The following PLEKHG4B variants were observed in gnomAD, a reference collection of about 807,000 sequenced individuals.
PLEKHG4B encodes the protein pleckstrin homology and RhoGEF domain containing G4B.
Under a neutral mutation model 121.3 loss-of-function variants are expected in PLEKHG4B, and 111 were observed. The ratio of observed to expected loss-of-function variants is 0.92; its 90% confidence interval spans 0.78 to 1.07. PLEKHG4B has a LOEUF of 1.07. PLEKHG4B is among the 50% of genes least tolerant of loss of function. The pLI, the probability that PLEKHG4B is intolerant of heterozygous loss-of-function variation, is 0.00. For missense variants in PLEKHG4B, 1,831 were observed against 1,757.8 expected (o/e 1.04, Z -0.74); for synonymous variants, 738 against 725.0 (o/e 1.02, Z -0.29).
chr5:106,328 G>T (rs1452022649), intron 1 of PLEKHG4B, among the ~76,000 whole-genome samples: 1 of 152,174 alleles, frequency 6.6e-6, no homozygotes, highest in South Asian at 2.1e-4. Context: ...GTCTGTCTCC[G>T]GGGGCCTGAC....
intron 12 of PLEKHG4B, among the ~76,000 whole-genome samples, chr5:162,316 T>C (rs1441820159): frequency 6.6e-6 from 1 of 151,758 alleles, no homozygotes; most frequent in Non-Finnish European, 1.5e-5. Context: ...CGCCGGGGAC[T>C]GCCTGCCATT....
intron 17 of PLEKHG4B, 121 bp from the exon 18 acceptor site, chr5:173,797 T>C: frequency 1.7e-6 from 2 of 1,170,892 alleles, no homozygotes; most frequent in South Asian, 1.5e-5. Flanking sequence ...CCCTGACCCA[T>C]CCCACACATT....
At chr5:94,635 G>A (rs1232959069) in intron 1 of PLEKHG4B, among the ~76,000 whole-genome samples, 1 of 151,972 alleles carries the variant, frequency 6.6e-6, no homozygotes, top group Non-Finnish European at 1.5e-5. Flanking sequence ...CATCCTGAAG[G>A]TGTTGGTCCT....
At chr5:142,999 C>T (rs199792120) in intron 3 of PLEKHG4B, 48 bp from the exon 4 acceptor site, 287 of 1,552,374 alleles carry the variant, frequency 1.8e-4, no homozygotes, top group East Asian at 1.6e-3. Context: ...CTGCTTTCAA[C>T]GCGCAGGAAA....
intron 8 of PLEKHG4B, 51 bp downstream of exon 8, chr5:155,042 T>C (rs1450861225): frequency 6.9e-7 from 1 of 1,443,366 alleles, no homozygotes; most frequent in Admixed American, 1.7e-5. Flanking sequence ...GGGGACTTTC[T>C]GTTATGTGGT....
intron 14 of PLEKHG4B, among the ~76,000 whole-genome samples, chr5:169,940 G>A (rs1457400740): frequency 6.6e-6 from 1 of 152,122 alleles, no homozygotes; most frequent in Admixed American, 6.5e-5. Flanking sequence ...ACCTTCCGGG[G>A]AGAGGCCAGG....
Position 185,206 on chromosome 5 carries a change from AAGC to A in PLEKHG4B, c.*2887_*2889del, listed in dbSNP as rs1178002381. 7 of 152,178 alleles carry A rather than the reference AAGC, an allele frequency of 4.6e-5. No homozygotes were observed. Among genetic ancestry groups the A allele is most frequent in the Non-Finnish European group, 1.0e-4 (7 of 68,030 alleles). 9.4% of individuals were successfully genotyped at this position (152,178 alleles called of 1,614,324 possible). ...ACAGAAGACAAGTGGAGAGAGACTG[AAGC>A]AGCCACTGGCCATCACAGCAAACAC... On this transcript the variant is annotated 3_prime_UTR_variant, in exon 20 of 20. Transcript: ENST00000637938.
At position 163,041 on chromosome 5, in the gene PLEKHG4B, C is replaced by T. The variant is rs1736085697; in HGVS notation, c.2969C>T (p.Pro990Leu). The part of the protein sequence containing the change: ...AQEAMRRHQK[P>L]PSFPSTDSGG... ...GAGGCCATGAGGAGGCACCAGAAGC[C>T]ACCCTCATTCCCCAGCACGGACAGT... The change falls in exon 13 of 20, where the codon CCA (proline) becomes CTA (leucine). Residue 990 changes from proline (P) to leucine (L), a missense_variant. Transcript: ENST00000637938. 15 of 1,560,546 alleles carry T rather than the reference C, an allele frequency of 9.6e-6. No homozygotes were observed. The highest frequency in any genetic ancestry group is 1.3e-5 in the Non-Finnish European group (15 of 1,152,326).
At chr5:149,333 A>G (rs1560930263) in intron 6 of PLEKHG4B, among the ~76,000 whole-genome samples, 1 of 152,132 alleles carries the variant, frequency 6.6e-6, no homozygotes, top group Non-Finnish European at 1.5e-5. Context: ...GCTTGAGCCC[A>G]GGAGTTCAGG....
intron 1 of PLEKHG4B, among the ~76,000 whole-genome samples, chr5:101,059 G>A (rs1733791748): frequency 1.3e-5 from 1 of 76,108 alleles, no homozygotes; most frequent in Non-Finnish European, 2.3e-5. Flanking sequence ...CTGTTGTGAG[G>A]TTAATCCATA....
Position 182,727 on chromosome 5 carries a change from C to G in PLEKHG4B, c.*404C>G. ...GACCTCCCTCCGCCTTGAGAGTTTG[C>G]AGGCCTCAGTGCAGGGAGGGGCCCA... On this transcript the variant is annotated 3_prime_UTR_variant, in exon 20 of 20. Coordinates refer to ENST00000637938, the MANE Select transcript of PLEKHG4B (RefSeq NM_052909.5). The G allele has an allele frequency of 4.3e-6, 1 of 231,678 alleles. No homozygotes were observed. Among genetic ancestry groups the G allele is most frequent in the East Asian group, 9.8e-5 (1 of 10,256 alleles). 14.4% of individuals were successfully genotyped at this position (231,678 alleles called of 1,614,324 possible). A position where few individuals can be genotyped will look rare whatever the true frequency, so the allele number is the denominator to read the frequency against.
At chr5:109,365 C>G (rs932434468) in intron 1 of PLEKHG4B, among the ~76,000 whole-genome samples, 2 of 146,592 alleles carry the variant, frequency 1.4e-5, no homozygotes, top group Non-Finnish European at 3.0e-5. Flanking sequence ...CCACTGCACT[C>G]CAGCCTGGGT....
At chr5:122,637 T>A in intron 2 of PLEKHG4B, among the ~76,000 whole-genome samples, 1 of 152,008 alleles carries the variant, frequency 6.6e-6, no homozygotes, top group Non-Finnish European at 1.5e-5. Flanking sequence ...GCCAGGCTGG[T>A]CAGATCTCCT....
At chr5:118,855 CTT>C (rs35448860) in intron 2 of PLEKHG4B, among the ~76,000 whole-genome samples, 336 of 139,518 alleles carry the variant, frequency 2.4e-3, no homozygotes, top group Non-Finnish European at 2.5e-3. Flanking sequence ...CCTCCTCCTT[CTT>C]TTTTTTTTTT....
intron 19 of PLEKHG4B, 147 bp from the exon 20 acceptor site, chr5:181,857 G>A: frequency 1.6e-6 from 2 of 1,265,506 alleles, no homozygotes; most frequent in East Asian, 4.9e-5. Flanking sequence ...GAGGGCACTG[G>A]GCCAGTGGCC....
intron 13 of PLEKHG4B, among the ~76,000 whole-genome samples, chr5:163,872 C>G (rs185083466): frequency 6.6e-6 from 1 of 152,322 alleles, no homozygotes; most frequent in Non-Finnish European, 1.5e-5. Context: ...AAATCAACCC[C>G]GACACCAAGA....
In PLEKHG4B at chr5:140,355, C is replaced by G. The variant is rs748941828; in HGVS notation, c.1116C>G (p.Ala372=). 77 of 1,550,970 alleles carry G rather than the reference C, an allele frequency of 5.0e-5. No individual in the cohort carries two copies. Among genetic ancestry groups the G allele is most frequent in the Admixed American group, 4.1e-4 (21 of 50,936 alleles). The change falls in exon 3 of 20, where the codon GCC becomes GCG. Residue 372 remains alanine (A), a synonymous_variant. Coordinates refer to ENST00000637938, the MANE Select transcript of PLEKHG4B (RefSeq NM_052909.5). ...TGCCCCTGGGCAGCTCTGAGGAGGC[C>G]CTCGGGGACCTGGCCTGCAGCTCCC... The part of the protein sequence containing the change: ...NPMPLGSSEE[A]LGDLACSSLT...
chr5:141,340 A>G (rs927830386), intron 3 of PLEKHG4B, among the ~76,000 whole-genome samples: 7 of 143,790 alleles, frequency 4.9e-5, no homozygotes, highest in Admixed American at 1.4e-4. Context: ...GGAGACCACA[A>G]GTCCAACATC....
rs1479992969 is a variant in PLEKHG4B at position 113,678 on chromosome 5, C to T, written c.243+230C>T. The stretch of plus-strand genomic sequence containing the variant: ...TGGAGCCCTCTTTGTCCCCCACCCC[C>T]AATAAACTTGCACTGCATTCTTTGA... On this transcript the variant is annotated intron_variant, in intron 2 of 19. Transcript: ENST00000637938. The surrounding 1 kb of genome is among the most constrained non-coding windows in gnomAD (Gnocchi z 5.2). Among the ~76,000 whole-genome samples, 1 of 152,210 alleles carries T rather than the reference C, an allele frequency of 6.6e-6. No individual in the cohort carries two copies. The highest frequency in any genetic ancestry group is 1.5e-5 in the Non-Finnish European group (1 of 68,028).
Sources: gnomAD v4.1 joint callset for allele counts (sites outside exome capture counted in the v4.1 genomes callset) on GRCh38, gnomAD v4.1.1 for gene constraint, Gnocchi (gnomAD v3.1) non-coding constraint, MANE v1.5 for transcripts, NCBI Gene and HGNC (gene_info 2026-07-23, HGNC 2026-07-21) for gene names.